QTMAN: variants seen among roughly 807,000 people sequenced by gnomAD.
QTMAN encodes queuosine-tRNA mannosyltransferase.
chr2:143,958,597 C>T, the QTMAN span, among the ~76,000 whole-genome samples: 5 of 151,872 alleles, frequency 3.3e-5, no homozygotes, highest in Admixed American at 6.6e-5. Context: ...GATAAATTCC[C>T]CCCTTAAATA....
the QTMAN span, among the ~76,000 whole-genome samples, chr2:144,130,267 C>T: frequency 6.6e-6 from 1 of 151,770 alleles, no homozygotes; most frequent in African/African-American, 2.4e-5. Context: ...CCTATTAGGC[C>T]AAAAGTGCAG....
chr2:144,020,566 C>T, the QTMAN span, among the ~76,000 whole-genome samples: 1 of 152,232 alleles, frequency 6.6e-6, no homozygotes, highest in African/African-American at 2.4e-5. Flanking sequence ...CCCTGTAACA[C>T]ATGCCCATTG....
the QTMAN span, among the ~76,000 whole-genome samples, chr2:144,048,417 G>A: frequency 3.3e-5 from 5 of 152,120 alleles, no homozygotes; most frequent in African/African-American, 1.2e-4. Flanking sequence ...TACAAGCTAG[G>A]AGCAGAGGTA....
the QTMAN span, among the ~76,000 whole-genome samples, chr2:144,150,200 C>T: frequency 6.6e-6 from 1 of 152,010 alleles, no homozygotes; most frequent in Non-Finnish European, 1.5e-5. Flanking sequence ...CTTCAGGAGG[C>T]CTTTGACAAA....
the QTMAN span, among the ~76,000 whole-genome samples, chr2:144,106,750 G>C: frequency 6.6e-6 from 1 of 152,184 alleles, no homozygotes; most frequent in Non-Finnish European, 1.5e-5. Flanking sequence ...TCTGCACCAA[G>C]TGGACCTAAT....
At chr2:144,049,732 G>A in the QTMAN span, among the ~76,000 whole-genome samples, 246 of 152,186 alleles carry the variant, frequency 1.6e-3, 1 homozygote, top group Non-Finnish European at 2.8e-3. Context: ...AATTATTGCG[G>A]GGTTCCCATT....
the QTMAN span, chr2:143,939,183 AGAT>A: frequency 6.6e-6 from 1 of 152,222 alleles, no homozygotes; most frequent in Non-Finnish European, 1.5e-5. Context: ...GTGAAAGAGC[AGAT>A]TAGGAGTTTT....
chr2:143,993,380 G>C, the QTMAN span, among the ~76,000 whole-genome samples: 1 of 148,910 alleles, frequency 6.7e-6, no homozygotes, highest in African/African-American at 2.5e-5. Context: ...TGGAACTCAT[G>C]AATGTTACCT....
the QTMAN span, among the ~76,000 whole-genome samples, chr2:144,311,750 T>C: frequency 6.6e-6 from 1 of 152,204 alleles, no homozygotes; most frequent in Admixed American, 6.5e-5. Context: ...TTCACTGTTC[T>C]TTCCAAATTC....
chr2:144,256,701 C>G, the QTMAN span, among the ~76,000 whole-genome samples: 1 of 151,430 alleles, frequency 6.6e-6, no homozygotes, highest in African/African-American at 2.4e-5. Context: ...GGCCCATCGG[C>G]GGGTGGAGGG....
At chr2:144,128,178 C>T in the QTMAN span, 1 of 151,954 alleles carries the variant, frequency 6.6e-6, no homozygotes, top group African/African-American at 2.4e-5. Context: ...GATGGTTGTA[C>T]ATAATACTGA....
the QTMAN span, among the ~76,000 whole-genome samples, chr2:144,246,717 A>G: frequency 6.6e-6 from 1 of 152,078 alleles, no homozygotes; most frequent in Non-Finnish European, 1.5e-5. Flanking sequence ...AGATGCCTTC[A>G]TTCTCTTACC....
the QTMAN span, among the ~76,000 whole-genome samples, chr2:144,327,178 T>C: frequency 6.6e-5 from 10 of 152,142 alleles, no homozygotes; most frequent in Non-Finnish European, 1.3e-4. Context: ...ACTGAACACA[T>C]GGAGGTTCCT....
At chr2:144,077,960 A>G in the QTMAN span, among the ~76,000 whole-genome samples, 1 of 152,110 alleles carries the variant, frequency 6.6e-6, no homozygotes, top group South Asian at 2.1e-4. Flanking sequence ...AGGATCTAAA[A>G]AATTTTTAAA....
chr2:144,177,023 G>T, the QTMAN span: 1 of 632,398 alleles, frequency 1.6e-6, no homozygotes, highest in South Asian at 1.8e-5. Context: ...AGAGAGTGGT[G>T]GGAGGTGCCA....
the QTMAN span, among the ~76,000 whole-genome samples, chr2:144,222,147 C>T: frequency 5.3e-5 from 8 of 151,848 alleles, no homozygotes; most frequent in Non-Finnish European, 1.2e-4. Flanking sequence ...GCAAACTCCG[C>T]CTCCCGGGTT....
chr2:143,999,769 T>G, the QTMAN span, among the ~76,000 whole-genome samples: 1 of 152,130 alleles, frequency 6.6e-6, no homozygotes, highest in Non-Finnish European at 1.5e-5. Context: ...TGAAGATGAC[T>G]GTCATAAGCA....
chr2:144,247,494 G>A, the QTMAN span, among the ~76,000 whole-genome samples: 1 of 152,154 alleles, frequency 6.6e-6, no homozygotes, highest in Admixed American at 6.5e-5. Flanking sequence ...GGGAATGTGA[G>A]GGAAAGAGAT....
chr2:144,070,359 G>A, the QTMAN span, among the ~76,000 whole-genome samples: 5 of 152,008 alleles, frequency 3.3e-5, no homozygotes, highest in Admixed American at 1.3e-4. Flanking sequence ...TTTTCTAAAT[G>A]TATCTAGTAC....
Sources: allele counts gnomAD v4.1 joint callset (sites outside exome capture counted in the v4.1 genomes callset), GRCh38; gene constraint gnomAD v4.1.1; transcripts MANE v1.5; gene names NCBI Gene and HGNC (gene_info 2026-07-23, HGNC 2026-07-21).